KCNK9: variants seen among roughly 807,000 people sequenced by gnomAD.
The protein encoded by KCNK9 is potassium channel subfamily K member 9.
In KCNK9, 1 loss-of-function variant was observed where a neutral mutation model predicts 10.8. The ratio of observed to expected loss-of-function variants is 0.09; its 90% CI spans 0.03 to 0.44. The LOEUF (loss-of-function observed/expected upper bound fraction) is 0.44, where lower values mean the gene tolerates loss of function less well. Among genes scored for constraint, KCNK9 ranks in the 20% least tolerant of loss-of-function variants. The probability of loss-of-function intolerance (pLI) is 0.97; values close to 1 mark genes in which losing one functional copy is unlikely to be tolerated. For synonymous variants in KCNK9, 231 were observed against 222.7 expected (o/e 1.04, Z -0.33); for missense variants, 303 against 515.0 (o/e 0.59, Z 3.98).
downstream of KCNK9, among the ~76,000 whole-genome samples, chr8:139,609,111 A>ACCCCGCCCCC (rs1554617336): frequency 4.5e-5 from 3 of 67,234 alleles, no homozygotes; most frequent in Non-Finnish European, 6.2e-5. Context: ...ATCCCACCCC[A>ACCCCGCCCCC]CCCCGCCCCG....
intron 1 of KCNK9, among the ~76,000 whole-genome samples, chr8:139,637,707 T>C (rs1209004943): frequency 6.7e-6 from 1 of 149,586 alleles, no homozygotes; most frequent in African/African-American, 2.5e-5. Flanking sequence ...CTAGCAATAC[T>C]GTATTGAATA....
chr8:139,626,623 G>A (rs984457700), intron 1 of KCNK9, among the ~76,000 whole-genome samples: 3 of 152,178 alleles, frequency 2.0e-5, no homozygotes, highest in African/African-American at 7.2e-5. Context: ...CCAGGAGCTG[G>A]AGCGGCTGTC....
intron 1 of KCNK9, among the ~76,000 whole-genome samples, chr8:139,642,344 AG>A (rs1227124308): frequency 6.6e-6 from 1 of 152,248 alleles, no homozygotes; most frequent in African/African-American, 2.4e-5. Context: ...CTACCCCTAC[AG>A]AAAAACTTGG....
At chr8:139,603,232 C>G (rs1045449126) in intron 2 of KCNK9, among the ~76,000 whole-genome samples, 2 of 152,156 alleles carry the variant, frequency 1.3e-5, no homozygotes, top group Non-Finnish European at 2.9e-5. Context: ...CAAAGTCTCC[C>G]ACCTGCCCCC....
At chr8:139,639,222 T>G (rs1815424404) in intron 1 of KCNK9, among the ~76,000 whole-genome samples, 1 of 152,184 alleles carries the variant, frequency 6.6e-6, no homozygotes, top group South Asian at 2.1e-4. Flanking sequence ...CACCGAGCAC[T>G]CGCTCTGTGA....
At chr8:139,663,467 A>G (rs1313214031) in intron 1 of KCNK9, among the ~76,000 whole-genome samples, 1 of 151,938 alleles carries the variant, frequency 6.6e-6, no homozygotes, top group Non-Finnish European at 1.5e-5. Flanking sequence ...CTGGCGCGAA[A>G]GACAGTGAGG....
chr8:139,673,582 G>A (rs867316053), intron 1 of KCNK9, among the ~76,000 whole-genome samples: 1 of 152,338 alleles, frequency 6.6e-6, no homozygotes, highest in Middle Eastern at 3.4e-3. Context: ...AGGGACAGCA[G>A]GGTTAGGAGA....
chr8:139,680,192 T>C (rs1171175482), intron 1 of KCNK9, among the ~76,000 whole-genome samples: 1 of 152,178 alleles, frequency 6.6e-6, no homozygotes, highest in Non-Finnish European at 1.5e-5. Flanking sequence ...GGGCTTCAGG[T>C]TCAGCCTTGG....
At chr8:139,602,189 G>A (rs773348566) in intron 2 of KCNK9, 9 of 152,264 alleles carry the variant, frequency 5.9e-5, no homozygotes, top group Non-Finnish European at 1.2e-4. Flanking sequence ...ACCCACCCAG[G>A]GGACCAGGAA....
At position 139,617,989 on chromosome 8, in the gene KCNK9, A is replaced by G. The variant is rs1236946917; in HGVS notation, c.*269T>C. ...GTGGGTGGGGTGAGAAATGTAAGGC[A>G]TAGTCTGCTGGGAAGGAAGGAGGAG... On this transcript the variant is annotated 3_prime_UTR_variant, in exon 2 of 2. Coordinates refer to ENST00000520439, the MANE Select transcript of KCNK9 (RefSeq NM_001282534.2). The G allele has an allele frequency of 8.5e-6, 4 of 471,112 alleles. No homozygotes were observed. The highest frequency in any genetic ancestry group is 2.2e-5 in the South Asian group (1 of 45,060). The allele number at this position is 471,112 out of a possible 1,614,324, so 29.2% of individuals were successfully genotyped here.
intron 1 of KCNK9, among the ~76,000 whole-genome samples, chr8:139,682,623 T>C (rs1816714907): frequency 6.6e-6 from 1 of 152,148 alleles, no homozygotes; most frequent in South Asian, 2.1e-4. Flanking sequence ...AGAGCTTAGA[T>C]TTCAAGGGCC....
intron 1 of KCNK9, among the ~76,000 whole-genome samples, chr8:139,653,016 G>A (rs1161944926): frequency 6.6e-6 from 1 of 152,192 alleles, no homozygotes; most frequent in African/African-American, 2.4e-5. Context: ...CCCCAATGAT[G>A]CACCTTGTAG....
chr8:139,659,817 C>T (rs1047509491), intron 1 of KCNK9, among the ~76,000 whole-genome samples: 1 of 151,910 alleles, frequency 6.6e-6, no homozygotes, highest in Admixed American at 6.6e-5. Flanking sequence ...CCACTGCACC[C>T]GGCCTATTCT....
chr8:139,614,417 G>T (rs559932524), downstream of KCNK9, among the ~76,000 whole-genome samples: 7 of 152,176 alleles, frequency 4.6e-5, no homozygotes, highest in Non-Finnish European at 1.0e-4. Flanking sequence ...GGGAATCCTG[G>T]GCTGCAAATG....
At chr8:139,697,947 C>A (rs1388854856) in intron 1 of KCNK9, among the ~76,000 whole-genome samples, 1 of 152,130 alleles carries the variant, frequency 6.6e-6, no homozygotes, top group Non-Finnish European at 1.5e-5. Flanking sequence ...GGCCAGCTAC[C>A]CTGCTGGACA....
intron 1 of KCNK9, among the ~76,000 whole-genome samples, chr8:139,672,754 GC>G (rs1474560231): frequency 6.6e-6 from 1 of 152,230 alleles, no homozygotes; most frequent in African/African-American, 2.4e-5. Context: ...AGAGACAGGA[GC>G]CGCATGGGAA....
intron 1 of KCNK9, among the ~76,000 whole-genome samples, chr8:139,684,198 C>T (rs1168247285): frequency 6.6e-6 from 1 of 152,202 alleles, no homozygotes; most frequent in East Asian, 1.9e-4. Flanking sequence ...CATTGTAGTC[C>T]TCTTTGGTGT....
intron 1 of KCNK9, among the ~76,000 whole-genome samples, chr8:139,673,012 G>C (rs1156768048): frequency 6.6e-6 from 1 of 152,194 alleles, no homozygotes; most frequent in Non-Finnish European, 1.5e-5. Context: ...AATAACCAGA[G>C]GCTCAACCCA....
intron 1 of KCNK9, among the ~76,000 whole-genome samples, chr8:139,636,068 C>A (rs1367934218): frequency 4.6e-5 from 7 of 152,190 alleles, no homozygotes; most frequent in African/African-American, 1.7e-4. Context: ...GAATTCTGTT[C>A]ATTCCATGTA....
Sources: gnomAD v4.1 joint callset for allele counts (sites outside exome capture counted in the v4.1 genomes callset) on GRCh38, gnomAD v4.1.1 for gene constraint, MANE v1.5 for transcripts, NCBI Gene and HGNC (gene_info 2026-07-23, HGNC 2026-07-21) for gene names.